Variants in RGL1 observed in about 807,000 individuals in gnomAD.
RGL1 encodes ral guanine nucleotide dissociation stimulator like 1.
RGL1 carries 24 observed loss-of-function variants against 95.2 expected under a neutral mutation model. The observed-to-expected ratio is 0.25, with a 90% CI of 0.18 to 0.35. RGL1 has a LOEUF of 0.35. Among genes scored for constraint, RGL1 ranks in the 10% least tolerant of loss-of-function variants. The pLI is 1.00. For missense variants in RGL1, 715 were observed against 936.3 expected, an observed-to-expected ratio of 0.76 and a Z score of 3.08; for synonymous variants, 329 against 344.9, an observed-to-expected ratio of 0.95 and a Z score of 0.51.
chr1:183,855,736 A>G (rs1054356600), intron 3 of RGL1, among the ~76,000 whole-genome samples: 1 of 152,216 alleles, frequency 6.6e-6, no homozygotes, highest in Non-Finnish European at 1.5e-5. Context: ...CACTGAGACC[A>G]TAACTCACCT....
At chr1:183,836,417 A>ATT (rs530157298) in intron 2 of RGL1, among the ~76,000 whole-genome samples, 359 of 145,202 alleles carry the variant, frequency 2.5e-3, no homozygotes, top group African/African-American at 8.3e-3. Flanking sequence ...CACCCAGCTA[A>ATT]TTTTTTTTTT....
intron 1 of RGL1, among the ~76,000 whole-genome samples, chr1:183,652,301 A>C (rs894199408): frequency 2.0e-5 from 3 of 152,230 alleles, no homozygotes; most frequent in African/African-American, 7.2e-5. Flanking sequence ...GAAATGATAC[A>C]TCATTACTGT....
Position 183,749,679 on chromosome 1 carries a change from G to A in RGL1, c.132+7390G>A, listed in dbSNP as rs542768522. Among the ~76,000 whole-genome samples, 6 of 152,272 alleles carry A rather than the reference G, an allele frequency of 3.9e-5. No individual in the cohort carries two copies. In the South Asian group the frequency reaches 1.2e-3, roughly 32 times the overall value. On this transcript the variant is annotated intron_variant, in intron 2 of 18. Transcript: ENST00000304685. ...GTCGTTGGTCTTTATATTTTGGTATGTTTTTGCAGTGGCTGGTACAGGTTT... is the reference window on the plus strand; with the variant it reads ...GTCGTTGGTCTTTATATTTTGGTATATTTTTGCAGTGGCTGGTACAGGTTT...
intron 14 of RGL1, among the ~76,000 whole-genome samples, chr1:183,908,246 T>C (rs1367707382): frequency 2.0e-5 from 3 of 152,140 alleles, no homozygotes; most frequent in Non-Finnish European, 2.9e-5. Context: ...GTGAGTCACA[T>C]TGAGACACAG....
intron 11 of RGL1, 137 bp from the exon 12 acceptor site, chr1:183,902,431 A>G: frequency 1.7e-6 from 1 of 575,856 alleles, no homozygotes. Context: ...CTTCTTCCAC[A>G]GTAGTCGTAA....
At chr1:183,855,546 T>C (rs1434443905) in intron 3 of RGL1, among the ~76,000 whole-genome samples, 2 of 152,246 alleles carry the variant, frequency 1.3e-5, no homozygotes, top group Non-Finnish European at 2.9e-5. Context: ...TTTCTTTCAG[T>C]AAGAGGCAAG....
At chr1:183,734,122 T>C (rs1341876706) in intron 1 of RGL1, among the ~76,000 whole-genome samples, 4 of 152,268 alleles carry the variant, frequency 2.6e-5, no homozygotes, top group Non-Finnish European at 5.9e-5. Flanking sequence ...CGGAAGCTAG[T>C]TAAAATGATT....
At chr1:183,807,429 A>G (rs1411988731) in intron 2 of RGL1, among the ~76,000 whole-genome samples, 1 of 152,232 alleles carries the variant, frequency 6.6e-6, no homozygotes, top group Non-Finnish European at 1.5e-5. Context: ...TCCCATCTTT[A>G]GCGGCTTGGA....
At chr1:183,650,741 A>G (rs1650686359) in intron 1 of RGL1, among the ~76,000 whole-genome samples, 1 of 151,164 alleles carries the variant, frequency 6.6e-6, no homozygotes, top group African/African-American at 2.4e-5. Context: ...ATTACTAGAA[A>G]TCATAGTATT....
chr1:183,861,511 G>A (rs1665507939), intron 3 of RGL1, among the ~76,000 whole-genome samples: 1 of 152,160 alleles, frequency 6.6e-6, no homozygotes, highest in African/African-American at 2.4e-5. Flanking sequence ...ACATTGTACT[G>A]GTTTTTTCTT....
intron 1 of RGL1, among the ~76,000 whole-genome samples, chr1:183,654,964 G>C (rs1023593256): frequency 1.3e-5 from 2 of 152,170 alleles, no homozygotes; most frequent in Non-Finnish European, 1.5e-5. Flanking sequence ...CTTTACCATG[G>C]TTCCTGTTCA....
intron 2 of RGL1, among the ~76,000 whole-genome samples, chr1:183,755,983 A>G (rs1305459687): frequency 6.6e-6 from 1 of 151,158 alleles, no homozygotes; most frequent in Non-Finnish European, 1.5e-5. Context: ...TCCCGGGTTC[A>G]AGCGAGTCTC....
At chr1:183,681,566 G>A (rs1174684) in intron 1 of RGL1, among the ~76,000 whole-genome samples, 128,661 of 152,172 alleles carry the variant, frequency 0.85, 54,833 homozygotes, top group East Asian at 0.97. Context: ...GTGCTGCTAG[G>A]TTCGGTTTGC....
At chr1:183,857,879 G>A (rs1386038181) in intron 3 of RGL1, among the ~76,000 whole-genome samples, 2 of 152,176 alleles carry the variant, frequency 1.3e-5, no homozygotes, top group Admixed American at 6.5e-5. Flanking sequence ...CTTGTGGGAC[G>A]ACAGTGATGG....
intron 2 of RGL1, among the ~76,000 whole-genome samples, chr1:183,786,267 C>T (rs77992561): frequency 0.015 from 2,350 of 152,170 alleles, 76 homozygotes; most frequent in African/African-American, 0.054. Flanking sequence ...AACTGAGCAT[C>T]GGGATGTATG....
intron 1 of RGL1, among the ~76,000 whole-genome samples, chr1:183,692,959 T>A (rs1053304004): frequency 5.6e-5 from 8 of 142,676 alleles, no homozygotes; most frequent in African/African-American, 2.0e-4. Flanking sequence ...TAAAAAAAAT[T>A]TTTTTTTTTT....
At chr1:183,815,377 A>C (rs1572448687) in intron 2 of RGL1, among the ~76,000 whole-genome samples, 1 of 152,228 alleles carries the variant, frequency 6.6e-6, no homozygotes, top group African/African-American at 2.4e-5. Context: ...TTAGTTTGTG[A>C]AGCACAGGGA....
chr1:183,893,904 G>T (rs939812163), intron 9 of RGL1, among the ~76,000 whole-genome samples: 14 of 152,178 alleles, frequency 9.2e-5, no homozygotes, highest in Non-Finnish European at 2.9e-5. Context: ...TTGTTTGGCT[G>T]CATGAATTGA....
intron 1 of RGL1, among the ~76,000 whole-genome samples, chr1:183,704,327 C>T (rs1212397323): frequency 6.6e-6 from 1 of 152,074 alleles, no homozygotes. Flanking sequence ...AGTGTGAGTG[C>T]ACTATGTGGA....
Sources: gnomAD v4.1 joint callset for allele counts (sites outside exome capture counted in the v4.1 genomes callset) on GRCh38, gnomAD v4.1.1 for gene constraint, MANE v1.5 for transcripts, NCBI Gene and HGNC (gene_info 2026-07-23, HGNC 2026-07-21) for gene names.